Variants in CFAP47 observed in about 807,000 individuals in gnomAD.
The protein encoded by CFAP47 is cilia and flagella associated protein 47, also known as cilia- and flagella-associated protein 47.
Under a neutral mutation model 148.1 loss-of-function variants are expected in CFAP47, and 29 were observed. The observed-to-expected ratio is 0.20, with a 90% CI of 0.15 to 0.27. The LOEUF (loss-of-function observed/expected upper bound fraction) is 0.27, where lower values mean the gene tolerates loss of function less well. Among genes scored for constraint, CFAP47 ranks in the 10% least tolerant of loss-of-function variants. CFAP47 has a pLI of 1.00. For synonymous variants in CFAP47, 664 were observed against 577.3 expected (o/e 1.15, Z -2.15); for missense variants, 1,872 against 1,697.5 (o/e 1.10, Z -1.81).
chrX:36,205,493 G>T (rs971532135), intron 45 of CFAP47, among the ~76,000 whole-genome samples: 2 of 111,372 alleles, frequency 1.8e-5, no homozygotes, highest in Admixed American at 9.6e-5. Context: ...GGCTCTAAAA[G>T]AAAGGAAAAA....
Position 36,385,173 on chromosome X carries a change from A to G in CFAP47, c.*167A>G, listed in dbSNP as rs1942117175. The G allele has an allele frequency of 2.5e-6, 1 of 404,194 alleles. No homozygotes were observed. Among genetic ancestry groups the G allele is most frequent in the Non-Finnish European group, 4.3e-6 (1 of 235,216 alleles). The allele number at this position is 404,194 out of a possible 1,213,427, so 33.3% of individuals were successfully genotyped here. ...CTGAATATATTATACTTCATTTGTG[A>G]GTTATGAATGTTTTTTGGTTGCGAA... On this transcript the variant is annotated 3_prime_UTR_variant, in exon 64 of 64. Transcript: ENST00000378653.
chrX:36,245,734 A>G (rs1351232095), intron 48 of CFAP47, among the ~76,000 whole-genome samples: 1 of 111,921 alleles, frequency 8.9e-6, no homozygotes, highest in Non-Finnish European at 1.9e-5. Flanking sequence ...AGACCAATGG[A>G]ACAGAGTAGA....
chrX:36,237,331 A>ATTTAT (rs1193290059), intron 48 of CFAP47, among the ~76,000 whole-genome samples: 58 of 111,148 alleles, frequency 5.2e-4, no homozygotes, highest in African/African-American at 1.4e-3. Context: ...TTTAGGTTTT[A>ATTTAT]TTTATTTTAT....
chrX:36,099,989 ATG>A (rs1938346836), intron 32 of CFAP47, 110 bp downstream of exon 32: 1 of 434,680 alleles, frequency 2.3e-6, no homozygotes, highest in Admixed American at 3.8e-5. Context: ...AGTGCCTTAA[ATG>A]AGAGATTTTT....
intron 57 of CFAP47, among the ~76,000 whole-genome samples, chrX:36,339,073 C>T (rs782747207): frequency 1.8e-5 from 2 of 112,061 alleles, no homozygotes; most frequent in African/African-American, 6.5e-5. Flanking sequence ...TATTATAATG[C>T]ACAACACATA....
chrX:36,132,207 A>G (rs1283547844), intron 33 of CFAP47, among the ~76,000 whole-genome samples: 1 of 111,236 alleles, frequency 9.0e-6, no homozygotes, highest in Admixed American at 9.6e-5. Context: ...ACTTAAATAT[A>G]CCTGAATATC....
Position 36,306,801 on chromosome X carries a change from A to G in CFAP47, c.8112A>G (p.Glu2704=). 8.6e-7 allele frequency: 1 copy of G among 1,160,272 alleles called. No individual in the cohort carries two copies. The highest frequency in any genetic ancestry group is 1.2e-6 in the Non-Finnish European group (1 of 867,677). Residue 2704 remains glutamate, a synonymous_variant, in exon 55 of 64, where the codon GAA becomes GAG. Transcript: ENST00000378653. ...QLIISPHSTT[E]LPVLFYPSAL... ...TCATATCTCCTCACTCCACCACAGA[A>G]TTACCTGTTCTCTTTTATCCTTCTG...
At chrX:36,128,986 A>G (rs745451127) in intron 33 of CFAP47, among the ~76,000 whole-genome samples, 3 of 109,731 alleles carry the variant, frequency 2.7e-5, no homozygotes, top group South Asian at 3.8e-4. Flanking sequence ...AATTGCCTGG[A>G]GAACATTCTT....
chrX:36,080,435 T>C (rs1937953848), intron 29 of CFAP47, among the ~76,000 whole-genome samples: 1 of 111,696 alleles, frequency 9.0e-6, no homozygotes, highest in South Asian at 3.8e-4. Flanking sequence ...ACTGGGTATA[T>C]ACCCAAAGGA....
chrX:36,200,572 A>C, intron 43 of CFAP47, 79 bp downstream of exon 43: 23 of 287,502 alleles, frequency 8.0e-5, no homozygotes, highest in Middle Eastern at 9.3e-4. Context: ...AAGCATACTC[A>C]TAGCAAGCTT....
At chrX:36,374,710 G>T in intron 62 of CFAP47, 1 of 377,774 alleles carries the variant, frequency 2.6e-6, no homozygotes, top group Non-Finnish European at 4.6e-6. Flanking sequence ...ATTAAGTTTT[G>T]TTTTGTTGTG....
intron 58 of CFAP47, among the ~76,000 whole-genome samples, chrX:36,349,178 T>A (rs1384087644): frequency 2.7e-5 from 3 of 112,166 alleles, no homozygotes; most frequent in Non-Finnish European, 5.6e-5. Context: ...ATAAGCCCCA[T>A]GCTCAACCTG....
intron 30 of CFAP47, among the ~76,000 whole-genome samples, chrX:36,095,317 A>T (rs1393509102): frequency 8.9e-6 from 1 of 111,763 alleles, no homozygotes; most frequent in Non-Finnish European, 1.9e-5. Flanking sequence ...TTTCTGCATC[A>T]ATATTCATCA....
At chrX:36,170,856 C>T (rs1939563999) in intron 39 of CFAP47, among the ~76,000 whole-genome samples, 2 of 107,499 alleles carry the variant, frequency 1.9e-5, no homozygotes, top group South Asian at 8.5e-4. Flanking sequence ...GTTCTAGATC[C>T]CTGAGGAATC....
intron 39 of CFAP47, among the ~76,000 whole-genome samples, 174 bp downstream of exon 39, chrX:36,160,943 G>A (rs1315752237): frequency 9.4e-6 from 1 of 106,428 alleles, no homozygotes; most frequent in African/African-American, 3.4e-5. Context: ...CCACCTTCCA[G>A]GTCAAGCGAT....
chrX:36,333,355 T>C (rs1294746213), intron 57 of CFAP47, among the ~76,000 whole-genome samples: 1 of 110,772 alleles, frequency 9.0e-6, no homozygotes, highest in Non-Finnish European at 1.9e-5. Flanking sequence ...CTCTATACTT[T>C]CTTGGAACCT....
At chrX:35,923,557 A>G (rs1458934223) in intron 1 of CFAP47, among the ~76,000 whole-genome samples, 1 of 110,943 alleles carries the variant, frequency 9.0e-6, no homozygotes, top group Non-Finnish European at 1.9e-5. Flanking sequence ...ACGACGGCTC[A>G]TGCCTGTGAT....
intron 46 of CFAP47, among the ~76,000 whole-genome samples, chrX:36,234,261 G>A (rs1267381687): frequency 9.0e-6 from 1 of 110,856 alleles, no homozygotes; most frequent in Non-Finnish European, 1.9e-5. Flanking sequence ...CCAATCAGAT[G>A]TAGATTTGGT....
intron 59 of CFAP47, among the ~76,000 whole-genome samples, chrX:36,350,334 C>T (rs943282560): frequency 9.0e-6 from 1 of 111,557 alleles, no homozygotes; most frequent in Non-Finnish European, 1.9e-5. Flanking sequence ...TGTTGCCTTC[C>T]TGTTGGTGAA....
Sources: allele counts gnomAD v4.1 joint callset (sites outside exome capture counted in the v4.1 genomes callset), GRCh38; gene constraint gnomAD v4.1.1; transcripts MANE v1.5; gene names NCBI Gene and HGNC (gene_info 2026-07-23, HGNC 2026-07-21).